Variants in PLEKHG4B observed in about 807,000 individuals in gnomAD.
PLEKHG4B encodes pleckstrin homology and RhoGEF domain containing G4B.
A neutral mutation model predicts 121.3 loss-of-function variants in PLEKHG4B; 111 were observed. The ratio of observed to expected loss-of-function variants is 0.92; its 90% confidence interval spans 0.78 to 1.07. The LOEUF (loss-of-function observed/expected upper bound fraction) is 1.07, where lower values mean the gene tolerates loss of function less well. Ranked by LOEUF, PLEKHG4B falls within the 50% of genes least tolerant of loss-of-function variation. The probability of loss-of-function intolerance (pLI) is 0.00; values close to 1 mark genes in which losing one functional copy is unlikely to be tolerated. For missense variants in PLEKHG4B, 1,831 were observed against 1,757.8 expected, an observed-to-expected ratio of 1.04 and a Z score of -0.74; for synonymous variants, 738 against 725.0, an observed-to-expected ratio of 1.02 and a Z score of -0.29.
chr5:101,102 C>T (rs1249283230), intron 1 of PLEKHG4B, among the ~76,000 whole-genome samples: 1 of 96,066 alleles, frequency 1.0e-5, no homozygotes, highest in Non-Finnish European at 1.9e-5. Flanking sequence ...AGGGGAGAGA[C>T]TGTTGTGAGG....
chr5:108,814 C>T (rs1734052200), intron 1 of PLEKHG4B, among the ~76,000 whole-genome samples: 1 of 152,124 alleles, frequency 6.6e-6, no homozygotes, highest in African/African-American at 2.4e-5. Context: ...GACCTGCACA[C>T]CAAGCCCTGT....
intron 2 of PLEKHG4B, among the ~76,000 whole-genome samples, chr5:116,276 T>G (rs1734305017): frequency 6.6e-6 from 1 of 152,182 alleles, no homozygotes; most frequent in South Asian, 2.1e-4. Context: ...TTGATTAAGT[T>G]TGCTGTCTTA....
rs772789631 is a variant in PLEKHG4B at position 156,762 on chromosome 5, C to T, written c.2349-11C>T. ...CGCCTGGAAGCCTGAGGACTGCCTT[C>T]TCTTCCTCAGGGACACCCTGGAGGC... On this transcript the variant is annotated splice_polypyrimidine_tract_variant and intron_variant, in intron 10 of 19. Transcript: ENST00000637938. This position sits in a 1 kb window ranked among gnomAD's most constrained non-coding sequence, Gnocchi z 4.4. 12 of 1,546,622 alleles carry T rather than the reference C, an allele frequency of 7.8e-6. No homozygotes were observed. Among genetic ancestry groups the T allele is most frequent in the African/African-American group, 1.4e-5 (1 of 73,114 alleles).
intron 1 of PLEKHG4B, among the ~76,000 whole-genome samples, chr5:98,238 TG>T: frequency 6.6e-6 from 1 of 151,990 alleles, no homozygotes; most frequent in East Asian, 1.9e-4. Flanking sequence ...GTATGTGGTG[TG>T]GGGTAGGGGT....
At chr5:162,283 C>A (rs1736039403) in intron 12 of PLEKHG4B, among the ~76,000 whole-genome samples, 1 of 73,358 alleles carries the variant, frequency 1.4e-5, no homozygotes, top group South Asian at 5.4e-4. Flanking sequence ...GCGCCCCAGA[C>A]CGCACGCCTG....
At chr5:169,165 C>T (rs1185345372) in intron 13 of PLEKHG4B, 175 bp from the exon 14 acceptor site, 28 of 810,536 alleles carry the variant, frequency 3.5e-5, no homozygotes, top group Middle Eastern at 3.6e-4. Context: ...CGAGCCCCCA[C>T]GCCTGGCCGG....
At chr5:180,358 G>T (rs552083174) in intron 18 of PLEKHG4B, among the ~76,000 whole-genome samples, 1 of 152,112 alleles carries the variant, frequency 6.6e-6, no homozygotes, top group African/African-American at 2.4e-5. Context: ...TGAATGTCTG[G>T]GAGTTTCCCA....
At chr5:166,693 C>T (rs1736364462) in intron 13 of PLEKHG4B, among the ~76,000 whole-genome samples, 2 of 152,160 alleles carry the variant, frequency 1.3e-5, no homozygotes, top group Non-Finnish European at 2.9e-5. Context: ...CAGTCGGTGG[C>T]CCTGGGGGTT....
rs145620545 is a variant in PLEKHG4B, at chr5:134,443, A to G, written c.244-5040A>G. Among the ~76,000 whole-genome samples, 1,258 of 151,702 alleles carry G rather than the reference A, an allele frequency of 8.3e-3. 22 individuals are homozygous for G. Among genetic ancestry groups the G allele is most frequent in the African/African-American group, 0.029 (1,199 of 41,368 alleles). Reference sequence around the variant, plus strand: ...GAAATTATTCATGTAACTAAACACCACCTGTTCTCCGAAACACCTATTGAA... The same window carrying G: ...GAAATTATTCATGTAACTAAACACCGCCTGTTCTCCGAAACACCTATTGAA... On this transcript the variant is annotated intron_variant, in intron 2 of 19. Coordinates refer to ENST00000637938, the MANE Select transcript of PLEKHG4B (RefSeq NM_052909.5).
At chr5:153,488 TC>T (rs1240640492) in intron 7 of PLEKHG4B, among the ~76,000 whole-genome samples, 2 of 152,086 alleles carry the variant, frequency 1.3e-5, no homozygotes, top group African/African-American at 4.8e-5. Context: ...TTCTGAGTCT[TC>T]CCCCATGTAT....
intron 1 of PLEKHG4B, among the ~76,000 whole-genome samples, chr5:99,821 C>CT (rs1176578564): frequency 5.9e-5 from 9 of 152,010 alleles, no homozygotes; most frequent in Non-Finnish European, 1.3e-4. Flanking sequence ...TTGGGGAAAA[C>CT]TTTGAGTTTT....
At chr5:126,345 T>C (rs935542545) in intron 2 of PLEKHG4B, among the ~76,000 whole-genome samples, 14 of 152,228 alleles carry the variant, frequency 9.2e-5, no homozygotes, top group Non-Finnish European at 2.1e-4. Flanking sequence ...TATTATACTT[T>C]TCAGCTCCAG....
chr5:161,967 G>T, intron 12 of PLEKHG4B, 23 bp downstream of exon 12: 1 of 1,590,184 alleles, frequency 6.3e-7, no homozygotes, highest in Non-Finnish European at 8.6e-7. Context: ...GTGGGCGTGC[G>T]TCCCAGGGAT....
At position 177,836 on chromosome 5, in the gene PLEKHG4B, C is replaced by T. The variant is rs566586711; in HGVS notation, c.4403-3678C>T. On this transcript the variant is annotated intron_variant, in intron 18 of 19. Transcript: ENST00000637938. ...ACCTTTCCCTTGGGATGTGAGGATGCGCCGTGTGCTTAGGAAGTTGTACGC... is the reference window on the plus strand; with the variant it reads ...ACCTTTCCCTTGGGATGTGAGGATGTGCCGTGTGCTTAGGAAGTTGTACGC... 3.6e-3 allele frequency among the ~76,000 whole-genome samples: 556 copies of T among 152,352 alleles called. 2 individuals carry two copies. The highest frequency in any genetic ancestry group is 0.011 in the South Asian group (55 of 4,832).
intron 16 of PLEKHG4B, among the ~76,000 whole-genome samples, chr5:171,808 GC>G (rs993868352): frequency 2.6e-5 from 4 of 152,236 alleles, no homozygotes; most frequent in African/African-American, 7.2e-5. Context: ...CTGCACCCCA[GC>G]CCTCTGTGAG....
intron 11 of PLEKHG4B, among the ~76,000 whole-genome samples, chr5:160,372 C>T (rs1032135338): frequency 2.0e-5 from 3 of 152,304 alleles, no homozygotes; most frequent in East Asian, 1.9e-4. Flanking sequence ...CGGATGGCTG[C>T]GGTCAGACCA....
intron 1 of PLEKHG4B, among the ~76,000 whole-genome samples, chr5:103,952 C>T (rs961761858): frequency 2.0e-5 from 3 of 152,198 alleles, no homozygotes; most frequent in South Asian, 2.1e-4. Context: ...TGAGTGAAAA[C>T]TTAGAAGTTT....
Position 185,867 on chromosome 5 carries a change from T to C in PLEKHG4B, c.*3544T>C, listed in dbSNP as rs1579342096. 1.3e-5 allele frequency: 2 copies of C among 152,318 alleles called. No homozygotes were observed. Among genetic ancestry groups the C allele is most frequent in the Non-Finnish European group, 2.9e-5 (2 of 68,048 alleles). The allele number at this position is 152,318 out of a possible 1,614,324, so 9.4% of individuals were successfully genotyped here. On this transcript the variant is annotated 3_prime_UTR_variant, in exon 20 of 20. Coordinates refer to ENST00000637938, the MANE Select transcript of PLEKHG4B (RefSeq NM_052909.5). ...CCTCCAGTCAAAAGATGGGTCTCTC[T>C]CTCCTGATAGCATGGAGCCTGGATG...
rs1735772699 is a variant in PLEKHG4B, at chr5:156,128, C to G, written c.2266C>G (p.Pro756Ala). 6.3e-7 allele frequency: 1 copy of G among 1,597,954 alleles called. No individual in the cohort carries two copies. Among genetic ancestry groups the G allele is most frequent in the African/African-American group, 1.4e-5 (1 of 72,824 alleles). ...ETMMKLVLED[P>A]LLVSLRLEGG... ...GATGATGAAGCTTGTCCTGGAAGAC[C>G]CACTGCTTGTGTCTCTCAGGCTGGA... Residue 756 changes from proline (P) to alanine (A), a missense_variant, in exon 10 of 20, where the codon CCA becomes GCA. Pro to Ala is a conservative substitution (Grantham distance 27). Coordinates refer to ENST00000637938, the MANE Select transcript of PLEKHG4B (RefSeq NM_052909.5). This position sits in a 1 kb window ranked among gnomAD's most constrained non-coding sequence, Gnocchi z 4.4.
Sources: allele counts gnomAD v4.1 joint callset (sites outside exome capture counted in the v4.1 genomes callset), GRCh38; gene constraint gnomAD v4.1.1; non-coding constraint Gnocchi (gnomAD v3.1); transcripts MANE v1.5; gene names NCBI Gene and HGNC (gene_info 2026-07-23, HGNC 2026-07-21).